UST: variants seen among roughly 807,000 people sequenced by gnomAD.
UST encodes uronyl 2-sulfotransferase.
In UST, 21 loss-of-function variants were observed where a neutral mutation model predicts 45.6. The ratio of observed to expected loss-of-function variants is 0.46; its 90% confidence interval spans 0.33 to 0.66. UST has a LOEUF of 0.66. Among genes scored for constraint, UST ranks in the 30% least tolerant of loss-of-function variants. The pLI, the probability that UST is intolerant of heterozygous loss-of-function variation, is 0.02. For missense variants in UST, 463 were observed against 512.4 expected (o/e 0.90, Z 0.93); for synonymous variants, 215 against 200.6 (o/e 1.07, Z -0.61).
chr6:148,992,275 C>T (rs1781368922), intron 5 of UST, among the ~76,000 whole-genome samples: 1 of 152,092 alleles, frequency 6.6e-6, no homozygotes, highest in Non-Finnish European at 1.5e-5. Context: ...GAGGCCGAGG[C>T]GGGCAGATCA....
intron 7 of UST, among the ~76,000 whole-genome samples, chr6:149,044,358 T>C (rs1402249521): frequency 6.6e-6 from 1 of 152,210 alleles, no homozygotes; most frequent in East Asian, 1.9e-4. Flanking sequence ...TCTGTTGACA[T>C]ACAGTAGCTT....
rs752518302 is a variant in UST, at chr6:148,872,961, G to A, written c.248-14025G>A. Among the ~76,000 whole-genome samples the A allele has an allele frequency of 1.1e-4, 16 of 152,248 alleles. 1 individual carries two copies. The Middle Eastern group carries it at 0.027, about 259-fold the overall frequency. ...TTTGACTCGTGGTCTCTTTTGCCACGTAAAGTAACGGACTCACAGGTTTTG... is the reference window on the plus strand; with the variant it reads ...TTTGACTCGTGGTCTCTTTTGCCACATAAAGTAACGGACTCACAGGTTTTG... On this transcript the variant is annotated intron_variant, in intron 1 of 7. Coordinates refer to ENST00000367463, the MANE Select transcript of UST (RefSeq NM_005715.3).
At chr6:148,809,054 C>A (rs1205240929) in intron 1 of UST, among the ~76,000 whole-genome samples, 1 of 152,244 alleles carries the variant, frequency 6.6e-6, no homozygotes, top group African/African-American at 2.4e-5. Flanking sequence ...TCACTGGCAA[C>A]TAATCATCAC....
intron 2 of UST, among the ~76,000 whole-genome samples, chr6:148,896,553 C>T (rs553314297): frequency 2.6e-5 from 4 of 152,276 alleles, no homozygotes; most frequent in Non-Finnish European, 2.9e-5. Flanking sequence ...AAAGAACTGG[C>T]GTTCTCAAGA....
At chr6:149,001,593 T>C (rs974630244) in intron 5 of UST, among the ~76,000 whole-genome samples, 2 of 152,140 alleles carry the variant, frequency 1.3e-5, no homozygotes, top group African/African-American at 4.8e-5. Context: ...AGTGTTGAGA[T>C]AAAAAAATTG....
intron 1 of UST, among the ~76,000 whole-genome samples, chr6:148,814,508 T>G (rs1459096605): frequency 6.6e-6 from 1 of 151,958 alleles, no homozygotes; most frequent in Non-Finnish European, 1.5e-5. Flanking sequence ...CAAGAGGGCC[T>G]TTGAGCAAGA....
At chr6:148,967,890 G>A (rs571110864) in intron 5 of UST, among the ~76,000 whole-genome samples, 33 of 152,372 alleles carry the variant, frequency 2.2e-4, no homozygotes, top group African/African-American at 7.2e-4. Context: ...CTGCCTCCAA[G>A]CCTGCTCTGA....
chr6:148,892,522 G>C (rs1779038763), intron 2 of UST, among the ~76,000 whole-genome samples: 1 of 152,086 alleles, frequency 6.6e-6, no homozygotes, highest in African/African-American at 2.4e-5. Flanking sequence ...GGCTCACATT[G>C]TTTAATATGG....
At chr6:148,864,087 G>T (rs991727094) in intron 1 of UST, among the ~76,000 whole-genome samples, 6 of 152,216 alleles carry the variant, frequency 3.9e-5, no homozygotes, top group African/African-American at 1.4e-4. Context: ...GTTCAGCTGT[G>T]CCCTGCCCCC....
chr6:149,031,316 T>C (rs1318185408), intron 7 of UST, among the ~76,000 whole-genome samples: 1 of 152,240 alleles, frequency 6.6e-6, no homozygotes, highest in East Asian at 1.9e-4. Context: ...CTTTAACTTC[T>C]AAACACTTGT....
intron 4 of UST, among the ~76,000 whole-genome samples, chr6:148,959,812 G>C (rs1392406347): frequency 1.3e-5 from 2 of 152,042 alleles, no homozygotes; most frequent in East Asian, 3.9e-4. Flanking sequence ...GAGCACAGCT[G>C]TCTCTTCTGC....
intron 1 of UST, among the ~76,000 whole-genome samples, chr6:148,835,117 C>A (rs1389611442): frequency 6.6e-6 from 1 of 151,678 alleles, no homozygotes; most frequent in East Asian, 1.9e-4. Context: ...AACCAATGAT[C>A]AAAAATATTC....
chr6:148,917,176 C>A (rs968570792), intron 2 of UST, among the ~76,000 whole-genome samples: 1 of 151,360 alleles, frequency 6.6e-6, no homozygotes, highest in South Asian at 2.1e-4. Flanking sequence ...GGCAGCAGCA[C>A]CCCCCCACCC....
intron 1 of UST, among the ~76,000 whole-genome samples, chr6:148,824,659 G>C (rs1777533716): frequency 6.8e-6 from 1 of 146,078 alleles, no homozygotes; most frequent in South Asian, 2.2e-4. Flanking sequence ...AATGGGGGTA[G>C]ATGGTATTTT....
intron 5 of UST, among the ~76,000 whole-genome samples, chr6:148,969,941 T>A (rs952352608): frequency 6.6e-6 from 1 of 152,182 alleles, no homozygotes; most frequent in Non-Finnish European, 1.5e-5. Flanking sequence ...GGCCCTGGGT[T>A]GGAAAGTCAT....
chr6:149,061,396 A>C (rs1435554064), intron 7 of UST, among the ~76,000 whole-genome samples: 1 of 152,246 alleles, frequency 6.6e-6, no homozygotes, highest in Non-Finnish European at 1.5e-5. Flanking sequence ...AGAAGCTGCT[A>C]TGTTTGCAAA....
intron 2 of UST, among the ~76,000 whole-genome samples, chr6:148,895,249 T>C (rs184952168): frequency 6.6e-6 from 1 of 152,314 alleles, no homozygotes; most frequent in East Asian, 1.9e-4. Context: ...CTCTCCAATT[T>C]CTTCTATTTA....
At chr6:149,043,393 G>A (rs1159676911) in intron 7 of UST, among the ~76,000 whole-genome samples, 1 of 152,180 alleles carries the variant, frequency 6.6e-6, no homozygotes, top group Non-Finnish European at 1.5e-5. Context: ...TAACAGGTGT[G>A]AACCACGACA....
chr6:148,824,945 T>C (rs1777542043), intron 1 of UST, among the ~76,000 whole-genome samples: 3 of 148,700 alleles, frequency 2.0e-5, no homozygotes, highest in Non-Finnish European at 4.5e-5. Flanking sequence ...TTTTTTGTTC[T>C]TGCGATAGTT....
Sources: allele counts gnomAD v4.1 joint callset (sites outside exome capture counted in the v4.1 genomes callset), GRCh38; gene constraint gnomAD v4.1.1; transcripts MANE v1.5; gene names NCBI Gene and HGNC (gene_info 2026-07-23, HGNC 2026-07-21).